CNTN3: variants seen among roughly 807,000 people sequenced by gnomAD.
The protein encoded by CNTN3 is contactin 3, also known as contactin-3.
A neutral mutation model predicts 119.1 loss-of-function variants in CNTN3; 60 were observed. The ratio of observed to expected loss-of-function variants is 0.50; its 90% CI spans 0.41 to 0.62. CNTN3 has a LOEUF of 0.62. Among genes scored for constraint, CNTN3 ranks in the 20% least tolerant of loss-of-function variants. CNTN3 has a pLI of 0.00. For synonymous variants in CNTN3, 450 were observed against 438.7 expected, an observed-to-expected ratio of 1.03 and a Z score of -0.32; for missense variants, 1,101 against 1,242.4, an observed-to-expected ratio of 0.89 and a Z score of 1.71.
At chr3:74,371,008 G>A (rs550396011) in intron 6 of CNTN3, among the ~76,000 whole-genome samples, 188 bp downstream of exon 6, 1 of 151,958 alleles carries the variant, frequency 6.6e-6, no homozygotes, top group Non-Finnish European at 1.5e-5. Flanking sequence ...GCTTGCCCGG[G>A]GTAAGAATTA....
At chr3:74,449,708 T>C (rs1203685719) in intron 4 of CNTN3, among the ~76,000 whole-genome samples, 1 of 152,134 alleles carries the variant, frequency 6.6e-6, no homozygotes, top group Admixed American at 6.6e-5. Context: ...TAAGCCTGGG[T>C]TGGCTGAAGT....
intron 4 of CNTN3, among the ~76,000 whole-genome samples, chr3:74,471,062 A>G (rs1241136727): frequency 6.6e-6 from 1 of 152,014 alleles, no homozygotes; most frequent in Non-Finnish European, 1.5e-5. Flanking sequence ...TTTTTAGTAG[A>G]GATGGGGTTT....
chr3:74,424,766 A>G, intron 5 of CNTN3, 79 bp downstream of exon 5: 4 of 1,137,750 alleles, frequency 3.5e-6, no homozygotes, highest in African/African-American at 1.5e-5. Flanking sequence ...TAATTTACAG[A>G]TGCAATAACA....
In CNTN3 at chr3:74,296,502, C is replaced by T. The variant is rs9843347; in HGVS notation, c.2402-1266G>A. On this transcript the variant is annotated intron_variant, in intron 18 of 22. Transcript: ENST00000263665. The stretch of plus-strand genomic sequence containing the variant: ...TAACCCTTAAAAAAAAAATCCCTCT[C>T]AGAACTCAACCAAAAGTGAGAACAC... 4.1e-3 allele frequency among the ~76,000 whole-genome samples: 626 copies of T among 152,272 alleles called. 5 individuals are homozygous for T. The highest frequency in any genetic ancestry group is 0.014 in the African/African-American group (596 of 41,562).
intron 3 of CNTN3, among the ~76,000 whole-genome samples, chr3:74,498,151 T>G (rs1000576084): frequency 1.3e-5 from 2 of 151,844 alleles, no homozygotes; most frequent in African/African-American, 4.8e-5. Context: ...ACATGAGTCA[T>G]TCACATGGCT....
intron 1 of CNTN3, among the ~76,000 whole-genome samples, chr3:74,605,077 T>C (rs76241941): frequency 0.023 from 3,528 of 152,164 alleles, 124 homozygotes; most frequent in African/African-American, 0.078. Flanking sequence ...CTCACTTACA[T>C]ATGGAATCTA....
chr3:74,594,721 AG>A (rs1704768805), intron 1 of CNTN3, among the ~76,000 whole-genome samples: 1 of 152,064 alleles, frequency 6.6e-6, no homozygotes, highest in African/African-American at 2.4e-5. Context: ...GTTGGTCCCA[AG>A]TCTTTGCTAT....
intron 13 of CNTN3, among the ~76,000 whole-genome samples, chr3:74,324,829 T>G (rs1703089573): frequency 6.6e-6 from 1 of 152,114 alleles, no homozygotes; most frequent in Non-Finnish European, 1.5e-5. Flanking sequence ...TAGACAAAGT[T>G]AACAGAAAAG....
intron 4 of CNTN3, among the ~76,000 whole-genome samples, chr3:74,467,703 C>G (rs888822539): frequency 6.6e-6 from 1 of 152,014 alleles, no homozygotes; most frequent in Non-Finnish European, 1.5e-5. Flanking sequence ...TTATATATAC[C>G]ACCCAAGCAG....
intron 13 of CNTN3, among the ~76,000 whole-genome samples, chr3:74,309,543 G>A (rs955674157): frequency 6.6e-6 from 1 of 152,062 alleles, no homozygotes; most frequent in African/African-American, 2.4e-5. Flanking sequence ...ATTCACCTGG[G>A]AAATCTTTTT....
At chr3:74,612,199 A>C (rs1575869442) in intron 1 of CNTN3, among the ~76,000 whole-genome samples, 1 of 152,284 alleles carries the variant, frequency 6.6e-6, no homozygotes, top group South Asian at 2.1e-4. Context: ...GGAACTTGTA[A>C]AAGAGAAAGA....
At chr3:74,452,042 T>G (rs1702168210) in intron 4 of CNTN3, among the ~76,000 whole-genome samples, 1 of 146,596 alleles carries the variant, frequency 6.8e-6, no homozygotes. Context: ...TTTTTTCCAA[T>G]TCTGTGAAGA....
At chr3:74,542,614 T>C (rs368835470) in intron 1 of CNTN3, among the ~76,000 whole-genome samples, 19 of 152,340 alleles carry the variant, frequency 1.2e-4, no homozygotes, top group African/African-American at 4.3e-4. Flanking sequence ...TAGTACTAGA[T>C]AATATGATGA....
intron 5 of CNTN3, among the ~76,000 whole-genome samples, chr3:74,382,890 T>C (rs1461380741): frequency 6.6e-6 from 1 of 152,228 alleles, no homozygotes; most frequent in Non-Finnish European, 1.5e-5. Context: ...AAGTAGTTTT[T>C]ACGTTGACCA....
At chr3:74,386,788 C>G (rs1704755264) in intron 5 of CNTN3, among the ~76,000 whole-genome samples, 2 of 152,128 alleles carry the variant, frequency 1.3e-5, no homozygotes, top group Admixed American at 1.3e-4. Flanking sequence ...GAATGCATAA[C>G]AAATGATGAG....
intron 13 of CNTN3, among the ~76,000 whole-genome samples, chr3:74,319,849 C>T (rs1575723266): frequency 6.6e-6 from 1 of 151,180 alleles, no homozygotes; most frequent in Middle Eastern, 3.4e-3. Context: ...CATCAATAAG[C>T]AGGTGAAGGA....
At chr3:74,419,040 ACCCT>A (rs1429836902) in intron 5 of CNTN3, among the ~76,000 whole-genome samples, 2 of 149,236 alleles carry the variant, frequency 1.3e-5, no homozygotes, top group Non-Finnish European at 3.0e-5. Context: ...CAGGCAATCC[ACCCT>A]CCTCGGCCTC....
intron 5 of CNTN3, among the ~76,000 whole-genome samples, chr3:74,420,473 A>G (rs1701599237): frequency 6.6e-6 from 1 of 152,216 alleles, no homozygotes; most frequent in African/African-American, 2.4e-5. Context: ...AAAGTTATAA[A>G]CTTACTGCAC....
intron 1 of CNTN3, among the ~76,000 whole-genome samples, chr3:74,544,903 A>C (rs1395506004): frequency 6.6e-6 from 1 of 152,100 alleles, no homozygotes; most frequent in African/African-American, 2.4e-5. Flanking sequence ...CGGCCGATGA[A>C]TCTCTTGCAC....
Sources: allele counts gnomAD v4.1 joint callset (sites outside exome capture counted in the v4.1 genomes callset), GRCh38; gene constraint gnomAD v4.1.1; transcripts MANE v1.5; gene names NCBI Gene and HGNC (gene_info 2026-07-23, HGNC 2026-07-21).